PRKN: variants seen among roughly 807,000 people sequenced by gnomAD.
PRKN encodes the protein E3 ubiquitin-protein ligase parkin.
In PRKN, 56 loss-of-function variants were observed where a neutral mutation model predicts 59.5. The observed-to-expected ratio is 0.94, with a 90% CI of 0.76 to 1.18. PRKN has a LOEUF of 1.18. PRKN is among the 50% of genes most tolerant of loss of function. The pLI, the probability that PRKN is intolerant of heterozygous loss-of-function variation, is 0.00. For synonymous variants in PRKN, 250 were observed against 222.1 expected, an observed-to-expected ratio of 1.13 and a Z score of -1.12; for missense variants, 657 against 596.4, an observed-to-expected ratio of 1.10 and a Z score of -1.06.
intron 9 of PRKN, among the ~76,000 whole-genome samples, chr6:161,412,001 TCATTCCTCCACTCATTCATTCACTCATTC>T (rs1787579075): frequency 6.7e-6 from 1 of 148,236 alleles, no homozygotes; most frequent in African/African-American, 2.5e-5. Context: ...CCTTCCTCAC[TCATTCCTCCACTCATTCATTCACTCATTC>T]ATTCCTCCAC....
At chr6:161,651,699 C>A (rs939420567) in intron 7 of PRKN, among the ~76,000 whole-genome samples, 17 of 152,118 alleles carry the variant, frequency 1.1e-4, no homozygotes, top group African/African-American at 3.9e-4. Context: ...AAAGAAAACC[C>A]TTAGTATTCC....
chr6:161,881,970 C>G (rs1228482134), intron 6 of PRKN, among the ~76,000 whole-genome samples: 1 of 152,118 alleles, frequency 6.6e-6, no homozygotes, highest in Non-Finnish European at 1.5e-5. Flanking sequence ...CACTGCCCAT[C>G]CCCCCACCTG....
At chr6:161,681,936 C>T (rs1275368919) in intron 7 of PRKN, among the ~76,000 whole-genome samples, 1 of 152,234 alleles carries the variant, frequency 6.6e-6, no homozygotes, top group East Asian at 1.9e-4. Flanking sequence ...GCAGATAGAC[C>T]AGGGACCGCC....
At chr6:162,542,918 T>G (rs1008222233) in intron 1 of PRKN, among the ~76,000 whole-genome samples, 1 of 152,076 alleles carries the variant, frequency 6.6e-6, no homozygotes, top group African/African-American at 2.4e-5. Flanking sequence ...CCCTAACCAC[T>G]GATGGACACC....
At chr6:162,338,669 G>A (rs1211390798) in intron 2 of PRKN, among the ~76,000 whole-genome samples, 4 of 152,030 alleles carry the variant, frequency 2.6e-5, no homozygotes, top group African/African-American at 7.2e-5. Flanking sequence ...CTGCCCGGCC[G>A]CCACCCTGTC....
At chr6:162,475,142 C>A (rs774325979) in intron 1 of PRKN, among the ~76,000 whole-genome samples, 2 of 152,096 alleles carry the variant, frequency 1.3e-5, no homozygotes, top group African/African-American at 2.4e-5. Context: ...TCAGTCTATA[C>A]GCCCTGAGAG....
chr6:162,019,347 A>G (rs1341210875), intron 5 of PRKN, among the ~76,000 whole-genome samples: 1 of 152,180 alleles, frequency 6.6e-6, no homozygotes, highest in Non-Finnish European at 1.5e-5. Flanking sequence ...AGAACCATGT[A>G]AGACATGGGC....
intron 2 of PRKN, among the ~76,000 whole-genome samples, chr6:162,442,383 C>A (rs1017837344): frequency 3.2e-4 from 49 of 152,148 alleles, no homozygotes; most frequent in African/African-American, 1.2e-3. Flanking sequence ...TCTGCAGGGT[C>A]CTTCACAGTC....
chr6:161,713,289 C>A (rs539296558), intron 7 of PRKN, among the ~76,000 whole-genome samples: 1 of 152,208 alleles, frequency 6.6e-6, no homozygotes, highest in Admixed American at 6.5e-5. Context: ...ATGTTCAGTA[C>A]CCCAGAAGCT....
At chr6:161,633,685 A>T (rs923065385) in intron 7 of PRKN, among the ~76,000 whole-genome samples, 3 of 152,218 alleles carry the variant, frequency 2.0e-5, no homozygotes, top group Admixed American at 2.0e-4. Context: ...TCTTCTAAGG[A>T]AAGAAAAGTG....
intron 7 of PRKN, among the ~76,000 whole-genome samples, chr6:161,753,709 G>C (rs1788792380): frequency 6.6e-6 from 1 of 152,208 alleles, no homozygotes; most frequent in Non-Finnish European, 1.5e-5. Context: ...ATGGGGGCGG[G>C]GGGGCTCGGC....
chr6:162,272,554 C>G (rs919677282), intron 2 of PRKN, among the ~76,000 whole-genome samples: 2 of 152,072 alleles, frequency 1.3e-5, no homozygotes, highest in African/African-American at 4.8e-5. Context: ...TCAGGCACGT[C>G]GGGGAGGTCA....
At chr6:162,283,018 T>G (rs916683215) in intron 2 of PRKN, among the ~76,000 whole-genome samples, 8 of 151,818 alleles carry the variant, frequency 5.3e-5, no homozygotes, top group Non-Finnish European at 1.0e-4. Context: ...ACAGAAAAGA[T>G]AATGACAGTA....
At chr6:162,637,173 C>G (rs1183486861) in intron 1 of PRKN, among the ~76,000 whole-genome samples, 1 of 151,890 alleles carries the variant, frequency 6.6e-6, no homozygotes. Flanking sequence ...AGGAGAATTG[C>G]TTGAACCCGG....
chr6:162,526,598 C>A (rs1019178715), intron 1 of PRKN, among the ~76,000 whole-genome samples: 3 of 149,912 alleles, frequency 2.0e-5, no homozygotes, highest in Non-Finnish European at 3.0e-5. Context: ...TGCAGTGAGC[C>A]GAGATCGCGC....
intron 4 of PRKN, among the ~76,000 whole-genome samples, chr6:162,081,836 T>G (rs1328070538): frequency 6.6e-6 from 1 of 152,114 alleles, no homozygotes. Flanking sequence ...ACTGAAAATC[T>G]GTAGTTTACT....
At chr6:161,861,321 AG>A (rs1159410000) in intron 6 of PRKN, among the ~76,000 whole-genome samples, 1 of 152,220 alleles carries the variant, frequency 6.6e-6, no homozygotes, top group Non-Finnish European at 1.5e-5. Context: ...AAACTAACAC[AG>A]GAACAGAAAA....
chr6:161,973,046 C>T (rs987277958), intron 6 of PRKN, among the ~76,000 whole-genome samples: 4 of 152,156 alleles, frequency 2.6e-5, no homozygotes, highest in African/African-American at 9.7e-5. Context: ...TTTAGATATG[C>T]CATCTCCCAT....
At position 161,499,685 on chromosome 6, in the gene PRKN, T is replaced by G. The variant is rs538540587; in HGVS notation, c.1083+49169A>C. ...GTGGTGGTGGTTTCTGCATTTTCCA[T>G]AAGTAACCCTTTCCCTTGACAATTC... is the stretch of plus-strand genomic sequence containing the variant. On this transcript the variant is annotated intron_variant, in intron 9 of 11. Coordinates refer to ENST00000366898, the MANE Select transcript of PRKN (RefSeq NM_004562.3). This position sits in a 1 kb window ranked among gnomAD's most constrained non-coding sequence, Gnocchi z 4.2. Among the ~76,000 whole-genome samples, 59 of 152,218 alleles carry G rather than the reference T, an allele frequency of 3.9e-4. No individual in the cohort carries two copies. Among genetic ancestry groups the G allele is most frequent in the Non-Finnish European group, 5.6e-4 (38 of 68,048 alleles).
Sources: gnomAD v4.1 joint callset for allele counts (sites outside exome capture counted in the v4.1 genomes callset) on GRCh38, gnomAD v4.1.1 for gene constraint, Gnocchi (gnomAD v3.1) non-coding constraint, MANE v1.5 for transcripts, NCBI Gene and HGNC (gene_info 2026-07-23, HGNC 2026-07-21) for gene names.